The following SGCZ variants were observed in gnomAD, a reference collection of about 807,000 sequenced individuals.
SGCZ encodes sarcoglycan zeta.
SGCZ carries 40 observed loss-of-function variants against 41.3 expected under a neutral mutation model. The observed-to-expected ratio is 0.97, with a 90% CI of 0.75 to 1.26. SGCZ has a LOEUF of 1.26. SGCZ is among the 50% of genes most tolerant of loss of function. SGCZ has a pLI of 0.00. For synonymous variants in SGCZ, 206 were observed against 137.5 expected, an observed-to-expected ratio of 1.50 and a Z score of -3.49; for missense variants, 552 against 369.8, an observed-to-expected ratio of 1.49 and a Z score of -4.04.
At chr8:14,355,191 C>A (rs1803249777) in intron 2 of SGCZ, among the ~76,000 whole-genome samples, 1 of 152,084 alleles carries the variant, frequency 6.6e-6, no homozygotes, top group South Asian at 2.1e-4. Flanking sequence ...TTATAGGCCA[C>A]AAGCAGATGT....
At chr8:14,298,059 T>G (rs937055636) in intron 3 of SGCZ, among the ~76,000 whole-genome samples, 119 of 152,156 alleles carry the variant, frequency 7.8e-4, no homozygotes, top group African/African-American at 2.8e-3. Context: ...AAATATTTAT[T>G]GTGAATTAAT....
At chr8:14,517,289 G>C (rs993565027) in intron 2 of SGCZ, among the ~76,000 whole-genome samples, 21 of 152,020 alleles carry the variant, frequency 1.4e-4, no homozygotes, top group African/African-American at 4.8e-4. Flanking sequence ...ACTAAACTTG[G>C]GCAAGATCTT....
intron 2 of SGCZ, among the ~76,000 whole-genome samples, chr8:14,367,736 C>A (rs1367309895): frequency 6.6e-6 from 1 of 152,078 alleles, no homozygotes; most frequent in South Asian, 2.1e-4. Flanking sequence ...AAACCACCCC[C>A]ATAAACCAGT....
At chr8:14,250,551 G>C (rs1007831106) in intron 3 of SGCZ, among the ~76,000 whole-genome samples, 2 of 152,070 alleles carry the variant, frequency 1.3e-5, no homozygotes, top group Non-Finnish European at 2.9e-5. Context: ...CCCACCTGAG[G>C]TCCTAGAGCG....
intron 5 of SGCZ, among the ~76,000 whole-genome samples, chr8:14,149,269 T>C (rs1563154385): frequency 6.6e-6 from 1 of 152,102 alleles, no homozygotes. Flanking sequence ...TATATGATCT[T>C]ATACTAAGAA....
chr8:15,073,837 AG>A (rs1774207323), intron 1 of SGCZ, among the ~76,000 whole-genome samples: 1 of 152,188 alleles, frequency 6.6e-6, no homozygotes, highest in African/African-American at 2.4e-5. Context: ...TAACTGAAAA[AG>A]ATGCCTAGCA....
chr8:14,925,872 A>C (rs949362527), intron 1 of SGCZ, among the ~76,000 whole-genome samples: 2 of 152,188 alleles, frequency 1.3e-5, no homozygotes, highest in Non-Finnish European at 2.9e-5. Flanking sequence ...TAGAAAAAAA[A>C]AATGCATAAA....
chr8:14,884,087 T>A (rs186749601), intron 1 of SGCZ, among the ~76,000 whole-genome samples: 1 of 152,282 alleles, frequency 6.6e-6, no homozygotes, highest in African/African-American at 2.4e-5. Flanking sequence ...TTCCTCTTGA[T>A]GATTATTTGA....
chr8:14,203,845 T>A (rs2117077138), intron 4 of SGCZ, among the ~76,000 whole-genome samples: 1 of 152,134 alleles, frequency 6.6e-6, no homozygotes, highest in Admixed American at 6.5e-5. Flanking sequence ...TTACATGGAA[T>A]GAAAGTGTAA....
intron 1 of SGCZ, among the ~76,000 whole-genome samples, chr8:14,801,838 G>T (rs951111720): frequency 4.2e-5 from 3 of 71,486 alleles, no homozygotes; most frequent in Non-Finnish European, 1.2e-4. Context: ...TATACAAGAG[G>T]ATGGTTAGAA....
intron 2 of SGCZ, among the ~76,000 whole-genome samples, chr8:14,484,451 T>G (rs2117012144): frequency 6.6e-6 from 1 of 152,282 alleles, no homozygotes; most frequent in African/African-American, 2.4e-5. Flanking sequence ...AATAAATTTT[T>G]TAATTCAGAA....
chr8:14,364,695 G>A (rs902214839), intron 2 of SGCZ, among the ~76,000 whole-genome samples: 5 of 151,964 alleles, frequency 3.3e-5, no homozygotes, highest in Non-Finnish European at 5.9e-5. Flanking sequence ...GCATCTAAAA[G>A]TATTAGATTT....
chr8:14,750,576 T>C (rs771554955), intron 1 of SGCZ, among the ~76,000 whole-genome samples: 1 of 152,090 alleles, frequency 6.6e-6, no homozygotes, highest in Non-Finnish European at 1.5e-5. Context: ...ATTTTAAACA[T>C]GTAGGTTCCA....
At chr8:14,933,774 T>C (rs1310871525) in intron 1 of SGCZ, among the ~76,000 whole-genome samples, 1 of 151,966 alleles carries the variant, frequency 6.6e-6, no homozygotes, top group Non-Finnish European at 1.5e-5. Flanking sequence ...TTTTAAATAG[T>C]ATACACTGAT....
intron 2 of SGCZ, among the ~76,000 whole-genome samples, chr8:14,493,362 T>TTTTTTTTTTG (rs1801900605): frequency 3.6e-5 from 1 of 27,942 alleles, no homozygotes; most frequent in African/African-American, 2.0e-4. Flanking sequence ...ATCCTTTCTT[T>TTTTTTTTTTG]TTTTTTTTTT....
intron 1 of SGCZ, among the ~76,000 whole-genome samples, chr8:14,638,842 T>C (rs962703150): frequency 6.6e-6 from 1 of 151,790 alleles, no homozygotes; most frequent in Admixed American, 6.6e-5. Flanking sequence ...AACATTATTT[T>C]CTTTTATTTC....
chr8:14,200,053 G>A (rs1458772691), intron 4 of SGCZ, among the ~76,000 whole-genome samples: 1 of 152,108 alleles, frequency 6.6e-6, no homozygotes, highest in East Asian at 1.9e-4. Flanking sequence ...TAGCAATTGG[G>A]TCCGGTAGTA....
At chr8:14,133,997 C>G (rs7007392) in intron 5 of SGCZ, among the ~76,000 whole-genome samples, 3,259 of 152,170 alleles carry the variant, frequency 0.021, 146 homozygotes, top group African/African-American at 0.076. Flanking sequence ...AATTGATCCA[C>G]CAGAATTCAG....
chr8:14,427,068 G>C (rs9657205), intron 2 of SGCZ, among the ~76,000 whole-genome samples: 1 of 90,552 alleles, frequency 1.1e-5, no homozygotes, highest in East Asian at 2.3e-4. Context: ...GAATGAATGA[G>C]TGAATGAACG....
Sources: allele counts gnomAD v4.1 joint callset (sites outside exome capture counted in the v4.1 genomes callset), GRCh38; gene constraint gnomAD v4.1.1; transcripts MANE v1.5; gene names NCBI Gene and HGNC (gene_info 2026-07-23, HGNC 2026-07-21).